The following CD44 variants were observed in gnomAD, a reference collection of about 807,000 sequenced individuals.
The protein encoded by CD44 is CD44 antigen.
A neutral mutation model predicts 88.8 loss-of-function variants in CD44; 49 were observed. The ratio of observed to expected loss-of-function variants is 0.55; its 90% CI spans 0.44 to 0.70. The LOEUF (loss-of-function observed/expected upper bound fraction) is 0.70, where lower values mean the gene tolerates loss of function less well. CD44 is among the 30% of genes least tolerant of loss of function. The probability of loss-of-function intolerance (pLI) is 0.00; values close to 1 mark genes in which losing one functional copy is unlikely to be tolerated. For synonymous variants in CD44, 325 were observed against 312.3 expected (o/e 1.04, Z -0.43); for missense variants, 883 against 913.8 (o/e 0.97, Z 0.43).
intron 15 of CD44, among the ~76,000 whole-genome samples, chr11:35,216,740 C>A (rs1948859531): frequency 6.6e-6 from 1 of 152,170 alleles, no homozygotes; most frequent in Non-Finnish European, 1.5e-5. Context: ...GGCATGATCT[C>A]TAAAACCAAG....
Position 35,203,167 on chromosome 11 carries a change from T to A in CD44, c.1154-1345T>A, listed in dbSNP as rs367665110. ...GCTTTATCAAATTAACATCACAACT[T>A]CTAGAAGAAAGTCAACCTTCATCTT... is the stretch of plus-strand genomic sequence containing the variant. On this transcript the variant is annotated intron_variant, in intron 9 of 17. Transcript: ENST00000428726. Among the ~76,000 whole-genome samples the A allele has an allele frequency of 4.4e-4, 67 of 152,302 alleles. No homozygotes were observed. The South Asian group carries it at 0.014, about 32-fold the overall frequency.
chr11:35,223,398 C>A, intron 17 of CD44: 1 of 492,196 alleles, frequency 2.0e-6, no homozygotes, highest in Non-Finnish European at 2.6e-6. Context: ...ATAAGCTTTG[C>A]ACATGTCACC....
rs937042112 is a variant in CD44 at position 35,206,393 on chromosome 11, A to C, written c.1414+150A>C. ...TTCAAAAATTAGTTTTCTTGGTAGGAGTGATACTCATATTCACCTGAATAT... is the reference window on the plus strand; with the variant it reads ...TTCAAAAATTAGTTTTCTTGGTAGGCGTGATACTCATATTCACCTGAATAT... On this transcript the variant is annotated intron_variant, in intron 11 of 17. Coordinates refer to ENST00000428726, the MANE Select transcript of CD44 (RefSeq NM_000610.4). The C allele has an allele frequency of 1.6e-5, 11 of 684,438 alleles. No homozygotes were observed. The Middle Eastern group carries it at 2.1e-3, about 129-fold the overall frequency. The allele number at this position is 684,438 out of a possible 1,614,324, so 42.4% of individuals were successfully genotyped here.
chr11:35,225,781 C>A (rs1255664534), intron 17 of CD44, among the ~76,000 whole-genome samples: 3 of 152,134 alleles, frequency 2.0e-5, no homozygotes, highest in African/African-American at 7.2e-5. Context: ...AGTGCCATTG[C>A]ACCCCAGCCT....
chr11:35,184,726 A>C (rs371811337), intron 3 of CD44, among the ~76,000 whole-genome samples: 1 of 152,228 alleles, frequency 6.6e-6, no homozygotes, highest in East Asian at 1.9e-4. Flanking sequence ...ATGGTCTGGC[A>C]TATAAGTGTT....
In CD44 at chr11:35,196,754, A is replaced by G. The variant is rs532756051; in HGVS notation, c.676A>G (p.Ser226Gly). The G allele has an allele frequency of 2.2e-5, 36 of 1,613,692 alleles. No homozygotes were observed. In the South Asian group the frequency reaches 3.5e-4, roughly 16 times the overall value. Residue 226 changes from serine (S) to glycine (G), a missense_variant, in exon 6 of 18, where the codon AGC becomes GGC. This residue lies in a region of CD44 where 252 missense variants were observed against 322.9 expected (regional missense o/e 0.78). Coordinates refer to ENST00000428726, the MANE Select transcript of CD44 (RefSeq NM_000610.4). Reference sequence around the variant, plus strand: ...AATCATGATTACAACAGCTTTGATGAGCACTAGTGCTACAGCAACTGAGAC... The same window carrying G: ...AATCATGATTACAACAGCTTTGATGGGCACTAGTGCTACAGCAACTGAGAC... ...TDRIPATTLMSTSATATETAT... is the reference protein window; with the variant it reads ...TDRIPATTLMGTSATATETAT...
rs954494518 is a variant in CD44, at chr11:35,204,573, C to T, written c.1215C>T (p.Gly405=). Residue 405 remains glycine (G), a synonymous_variant, in exon 10 of 18, where the codon GGC becomes GGT. Transcript: ENST00000428726. The stretch of plus-strand genomic sequence containing the variant: ...CTACCCAGAAGGAACAGTGGTTTGG[C>T]AACAGATGGCATGAGGGATATCGCC... ...ETATQKEQWF[G]NRWHEGYRQT... 2 of 1,613,146 alleles carry T rather than the reference C, an allele frequency of 1.2e-6. No individual in the cohort carries two copies. Among genetic ancestry groups the T allele is most frequent in the Non-Finnish European group, 8.5e-7 (1 of 1,179,348 alleles).
At chr11:35,220,134 A>G (rs1949168015) in intron 16 of CD44, among the ~76,000 whole-genome samples, 1 of 152,216 alleles carries the variant, frequency 6.6e-6, no homozygotes, top group Non-Finnish European at 1.5e-5. Flanking sequence ...AAAGAGAAGA[A>G]TGTGGCATGC....
At chr11:35,146,000 G>A (rs530369713) in intron 1 of CD44, among the ~76,000 whole-genome samples, 26 of 148,150 alleles carry the variant, frequency 1.8e-4, no homozygotes, top group African/African-American at 6.4e-4. Flanking sequence ...TCTTCCCAAA[G>A]ATTGTCTGCC....
chr11:35,195,382 T>C (rs1946641901), intron 5 of CD44, among the ~76,000 whole-genome samples: 1 of 152,180 alleles, frequency 6.6e-6, no homozygotes, highest in East Asian at 1.9e-4. Flanking sequence ...TGTTATGTTA[T>C]GGTTGCCATA....
intron 7 of CD44, among the ~76,000 whole-genome samples, chr11:35,199,226 A>G (rs181186898): frequency 1.0e-3 from 154 of 152,370 alleles, no homozygotes; most frequent in African/African-American, 3.7e-3. Flanking sequence ...GGTACATAAT[A>G]GTATCCAAAT....
intron 1 of CD44, among the ~76,000 whole-genome samples, chr11:35,158,496 T>C (rs1942193650): frequency 6.6e-6 from 1 of 152,232 alleles, no homozygotes; most frequent in Admixed American, 6.5e-5. Flanking sequence ...CTTAGAGTTG[T>C]GTAAGGACTG....
chr11:35,211,758 T>C (rs898002100), intron 14 of CD44, among the ~76,000 whole-genome samples: 4 of 152,034 alleles, frequency 2.6e-5, no homozygotes, highest in Admixed American at 2.6e-4. Flanking sequence ...TCTTATCTTG[T>C]GATATATGAA....
chr11:35,224,036 T>C (rs1055572135), intron 17 of CD44, among the ~76,000 whole-genome samples: 1 of 152,224 alleles, frequency 6.6e-6, no homozygotes, highest in Admixed American at 6.5e-5. Context: ...TGAGGTTTAG[T>C]GGCAGTATTG....
rs1164853177 is a variant in CD44 at position 35,221,554 on chromosome 11, T to A, written c.1946-100T>A. 5.1e-6 allele frequency: 5 copies of A among 981,410 alleles called. No individual in the cohort carries two copies. In the Admixed American group the frequency reaches 8.5e-5, roughly 17 times the overall value. 60.8% of individuals were successfully genotyped at this position (981,410 alleles called of 1,614,324 possible). The stretch of plus-strand genomic sequence containing the variant: ...GGCCAGACCCCCCTGCAGCGCTGAC[T>A]GTGGTGCTTGTTTCAACTAGGTCAA... On this transcript the variant is annotated intron_variant, in intron 16 of 17. Transcript: ENST00000428726.
intron 9 of CD44, 117 bp from the exon 10 acceptor site, chr11:35,204,395 C>T: frequency 1.1e-6 from 1 of 920,214 alleles, no homozygotes; most frequent in Non-Finnish European, 1.7e-6. Context: ...TCCTTGGTGC[C>T]TTTCTTTTCT....
chr11:35,156,007 C>T (rs1941816107), intron 1 of CD44, among the ~76,000 whole-genome samples: 1 of 152,186 alleles, frequency 6.6e-6, no homozygotes, highest in Non-Finnish European at 1.5e-5. Context: ...CTAATTAGTG[C>T]AAATTCAGGA....
In CD44 at chr11:35,189,868, A is replaced by G; in HGVS notation, c.470A>G (p.Gln157Arg). 6.2e-7 allele frequency: 1 copy of G among 1,614,140 alleles called. No homozygotes were observed. Among genetic ancestry groups the G allele is most frequent in the South Asian group, 1.1e-5 (1 of 91,082 alleles). ...AACCGTGATGGCACCCGCTATGTCC[A>G]GAAAGGAGAATACAGAACGAATCCT... is the stretch of plus-strand genomic sequence containing the variant. ...IVNRDGTRYV[Q>R]KGEYRTNPED... is the part of the protein sequence containing the mutation. The change falls in exon 5 of 18, where the codon CAG becomes CGG. Residue 157 changes from glutamine to arginine, a missense_variant. Coordinates refer to ENST00000428726, the MANE Select transcript of CD44 (RefSeq NM_000610.4).
chr11:35,146,915 GA>G (rs1254095326), intron 1 of CD44, among the ~76,000 whole-genome samples: 1 of 152,144 alleles, frequency 6.6e-6, no homozygotes, highest in Admixed American at 6.5e-5. Flanking sequence ...GAAGGAGGAG[GA>G]AGTTGTAATG....
Sources: gnomAD v4.1 joint callset for allele counts (sites outside exome capture counted in the v4.1 genomes callset) on GRCh38, gnomAD v4.1.1 for gene constraint, gnomAD v4.1.1 regional missense constraint, MANE v1.5 for transcripts, NCBI Gene and HGNC (gene_info 2026-07-23, HGNC 2026-07-21) for gene names.